The following VWA3B variants were observed in gnomAD, a reference collection of about 807,000 sequenced individuals.
VWA3B encodes the protein von Willebrand factor A domain-containing protein 3B.
VWA3B carries 138 observed loss-of-function variants against 158.3 expected under a neutral mutation model. The ratio of observed to expected loss-of-function variants is 0.87; its 90% confidence interval spans 0.76 to 1.00. VWA3B has a LOEUF of 1.00. VWA3B is among the 50% of genes least tolerant of loss of function. The probability of loss-of-function intolerance (pLI) is 0.00; values close to 1 mark genes in which losing one functional copy is unlikely to be tolerated. For missense variants in VWA3B, 1,555 were observed against 1,565.1 expected (o/e 0.99, Z 0.11); for synonymous variants, 596 against 587.3 (o/e 1.01, Z -0.21).
intron 9 of VWA3B, among the ~76,000 whole-genome samples, chr2:98,185,830 T>C (rs1680994236): frequency 1.3e-5 from 2 of 152,214 alleles, no homozygotes; most frequent in African/African-American, 2.4e-5. Context: ...TTCCAGATAA[T>C]TCGCATCAGC....
intron 3 of VWA3B, 52 bp from the exon 4 acceptor site, chr2:98,119,461 A>G: frequency 6.2e-7 from 1 of 1,601,340 alleles, no homozygotes. Flanking sequence ...CTGTGGTTCA[A>G]ATGACTTATT....
At chr2:98,274,766 C>T (rs74604486) in intron 22 of VWA3B, among the ~76,000 whole-genome samples, 5,906 of 152,250 alleles carry the variant, frequency 0.039, 168 homozygotes, top group Middle Eastern at 0.075. Context: ...TGAGGCCCAA[C>T]GTAAAAGACC....
intron 13 of VWA3B, chr2:98,212,289 A>C: frequency 3.1e-6 from 1 of 325,030 alleles, no homozygotes; most frequent in East Asian, 5.0e-5. Flanking sequence ...GCCCCACAAA[A>C]GGAGACGTCT....
chr2:98,308,481 T>A (rs1387983619), intron 26 of VWA3B, among the ~76,000 whole-genome samples: 1 of 152,234 alleles, frequency 6.6e-6, no homozygotes, highest in Non-Finnish European at 1.5e-5. Context: ...TCCCATGTGG[T>A]CCTTCTCAAT....
In VWA3B at chr2:98,115,638, T is replaced by C. The variant is rs1174771638; in HGVS notation, c.197-14T>C. The C allele has an allele frequency of 6.2e-7, 1 of 1,610,578 alleles. No homozygotes were observed. The highest frequency in any genetic ancestry group is 1.3e-5 in the African/African-American group (1 of 74,828). ...GTACTACTGTTTTGATTGTTTTTCTTTATAAAAATGCAGATTATGTGGCGT... is the reference window on the plus strand; with the variant it reads ...GTACTACTGTTTTGATTGTTTTTCTCTATAAAAATGCAGATTATGTGGCGT... On this transcript the variant is annotated splice_polypyrimidine_tract_variant and intron_variant, in intron 2 of 27. Coordinates refer to ENST00000477737, the MANE Select transcript of VWA3B (RefSeq NM_144992.5).
intron 7 of VWA3B, among the ~76,000 whole-genome samples, chr2:98,148,212 T>C (rs1362998659): frequency 6.6e-6 from 1 of 152,246 alleles, no homozygotes; most frequent in Non-Finnish European, 1.5e-5. Context: ...CAAAAAATAC[T>C]TTAAGACAAT....
At chr2:98,324,581 A>G in the VWA3B span, among the ~76,000 whole-genome samples, 3 of 152,228 alleles carry the variant, frequency 2.0e-5, no homozygotes, top group East Asian at 3.8e-4. Context: ...TAAGTTCAAG[A>G]AAGTTAATTG....
At chr2:98,251,039 A>G (rs1039781794) in intron 20 of VWA3B, among the ~76,000 whole-genome samples, 1 of 152,072 alleles carries the variant, frequency 6.6e-6, no homozygotes, top group African/African-American at 2.4e-5. Flanking sequence ...TGGAGGCTGC[A>G]GTGAACTGTG....
rs752089042 is a variant in VWA3B, at chr2:98,119,650, C to T, written c.429C>T (p.Thr143=). ...IFGVILEQCV[T]IVLDFGGILE... ...GTGTCATCTTGGAACAGTGCGTCAC[C>T]ATAGTGCTGGATTTTGGCGGCATTC... The change falls in exon 4 of 28, where the codon ACC becomes ACT. Residue 143 remains threonine, a synonymous_variant. Transcript: ENST00000477737. 6 of 1,614,090 alleles carry T rather than the reference C, an allele frequency of 3.7e-6. No individual in the cohort carries two copies. Among genetic ancestry groups the T allele is most frequent in the Non-Finnish European group, 4.2e-6 (5 of 1,180,024 alleles).
chr2:98,236,605 A>C lies in VWA3B; in HGVS notation c.2548A>C (p.Lys850Gln). ...SSDVSSENWL[K>Q]TYGLVAKKLT... ...AGATGTGTCTTCAGAAAACTGGCTG[A>C]AGACCTATGGCTTGGTCGCCAAGAA... The change falls in exon 19 of 28, where the codon AAG becomes CAG. Residue 850 changes from lysine to glutamine, a missense_variant. Transcript: ENST00000477737. 6.2e-7 allele frequency: 1 copy of C among 1,614,228 alleles called. No homozygotes were observed. Among genetic ancestry groups the C allele is most frequent in the South Asian group, 1.1e-5 (1 of 91,086 alleles).
At chr2:98,258,294 T>TC (rs1174632257) in intron 21 of VWA3B, among the ~76,000 whole-genome samples, 1 of 151,900 alleles carries the variant, frequency 6.6e-6, no homozygotes, top group African/African-American at 2.4e-5. Flanking sequence ...GAAATATGAG[T>TC]CCTTCAACTT....
At chr2:98,288,850 A>T (rs1221750690) in intron 22 of VWA3B, among the ~76,000 whole-genome samples, 7 of 152,232 alleles carry the variant, frequency 4.6e-5, no homozygotes, top group Non-Finnish European at 4.4e-5. Flanking sequence ...TCCTGAGTTC[A>T]CATGGTGGTA....
At position 98,240,626 on chromosome 2, in the gene VWA3B, A is replaced by T. The variant is rs116439733; in HGVS notation, c.2673+3896A>T. ...GAACTCTGTGTAATACTTGATAATC[A>T]TTGGTCCTTGGTGTGTAGAAATGCT... On this transcript the variant is annotated intron_variant, in intron 19 of 27. Coordinates refer to ENST00000477737, the MANE Select transcript of VWA3B (RefSeq NM_144992.5). 2.6e-3 allele frequency among the ~76,000 whole-genome samples: 390 copies of T among 152,302 alleles called. 1 individual carries two copies. The highest frequency in any genetic ancestry group is 8.5e-3 in the African/African-American group (354 of 41,544).
chr2:98,135,567 C>T, intron 7 of VWA3B, among the ~76,000 whole-genome samples: 1 of 151,668 alleles, frequency 6.6e-6, no homozygotes, highest in Non-Finnish European at 1.5e-5. Flanking sequence ...GATCTCCTGA[C>T]CTCGTGATCC....
chr2:98,216,973 A>G (rs1448920471), intron 13 of VWA3B: 2 of 1,225,716 alleles, frequency 1.6e-6, no homozygotes, highest in Admixed American at 2.6e-5. Flanking sequence ...CATGTGTATC[A>G]TTGTAAGCAC....
At chr2:98,234,905 T>C in intron 17 of VWA3B, 138 bp downstream of exon 17, 1 of 1,321,136 alleles carries the variant, frequency 7.6e-7, no homozygotes, top group Non-Finnish European at 1.0e-6. Flanking sequence ...AAGGAATCCC[T>C]TGTAAGTCAG....
chr2:98,325,222 C>T, the VWA3B span, among the ~76,000 whole-genome samples: 1 of 151,884 alleles, frequency 6.6e-6, no homozygotes, highest in Non-Finnish European at 1.5e-5. Context: ...ATCATTCCGT[C>T]ATAGTCACAA....
intron 6 of VWA3B, 54 bp from the exon 7 acceptor site, chr2:98,133,770 C>G (rs1676044029): frequency 1.8e-5 from 27 of 1,489,440 alleles, no homozygotes; most frequent in Non-Finnish European, 2.2e-5. Context: ...AAGGAACAAG[C>G]ATGCACGGAC....
chr2:98,139,966 C>T (rs975075267), intron 7 of VWA3B, among the ~76,000 whole-genome samples: 1 of 152,178 alleles, frequency 6.6e-6, no homozygotes, highest in Non-Finnish European at 1.5e-5. Flanking sequence ...AGGTCTGCAG[C>T]TTCACTCCTG....
Sources: allele counts gnomAD v4.1 joint callset (sites outside exome capture counted in the v4.1 genomes callset), GRCh38; gene constraint gnomAD v4.1.1; transcripts MANE v1.5; gene names NCBI Gene and HGNC (gene_info 2026-07-23, HGNC 2026-07-21).